SLC25A48: variants seen among roughly 807,000 people sequenced by gnomAD.
SLC25A48 encodes the protein CTC-321K16.1.
SLC25A48 carries 29 observed loss-of-function variants against 32.2 expected under a neutral mutation model. That is an observed-to-expected ratio of 0.90 (90% CI 0.67 to 1.23). The LOEUF (loss-of-function observed/expected upper bound fraction) is 1.23. Ranked by LOEUF, SLC25A48 falls within the 50% of genes most tolerant of loss-of-function variation. The pLI, the probability that SLC25A48 is intolerant of heterozygous loss-of-function variation, is 0.00. For missense variants in SLC25A48, 399 were observed against 422.7 expected (o/e 0.94, Z 0.49); for synonymous variants, 164 against 172.3 (o/e 0.95, Z 0.38).
intron 3 of SLC25A48, among the ~76,000 whole-genome samples, chr5:135,758,781 T>C (rs543725637): frequency 2.0e-5 from 3 of 150,830 alleles, no homozygotes; most frequent in South Asian, 4.2e-4. Flanking sequence ...TTGACGTTAA[T>C]ATATCATCTG....
At chr5:135,743,218 G>A (rs1243297131) in intron 3 of SLC25A48, among the ~76,000 whole-genome samples, 1 of 148,394 alleles carries the variant, frequency 6.7e-6, no homozygotes, top group African/African-American at 2.5e-5. Context: ...ATTACAGGTG[G>A]CTGCCATCAA....
intron 4 of SLC25A48, among the ~76,000 whole-genome samples, chr5:135,866,473 T>C (rs1356382671): frequency 1.3e-5 from 2 of 152,164 alleles, no homozygotes; most frequent in South Asian, 2.1e-4. Context: ...AAAGGGGCAA[T>C]AGTGGTAGAG....
chr5:135,801,153 G>A (rs1580895295), intron 3 of SLC25A48, among the ~76,000 whole-genome samples: 1 of 151,282 alleles, frequency 6.6e-6, no homozygotes, highest in Middle Eastern at 3.5e-3. Context: ...CAATATCACA[G>A]AAGGTGTATA....
intron 3 of SLC25A48, among the ~76,000 whole-genome samples, chr5:135,659,154 C>G (rs1007213836): frequency 2.6e-5 from 4 of 152,130 alleles, no homozygotes; most frequent in Non-Finnish European, 5.9e-5. Context: ...AATATAAATT[C>G]TAGTTTTAGG....
At chr5:135,800,687 C>A (rs1354241932) in intron 3 of SLC25A48, among the ~76,000 whole-genome samples, 3 of 151,902 alleles carry the variant, frequency 2.0e-5, no homozygotes, top group African/African-American at 4.8e-5. Context: ...GAGTGTACAC[C>A]CCCCTGGGAT....
intron 4 of SLC25A48, among the ~76,000 whole-genome samples, chr5:135,828,541 G>A (rs191486773): frequency 7.9e-5 from 12 of 152,258 alleles, no homozygotes; most frequent in African/African-American, 2.9e-4. Context: ...CTTCTGAGGA[G>A]CTGGACAGGC....
In SLC25A48 at chr5:135,880,048, G is replaced by A. The variant is rs1414814179; in HGVS notation, c.894G>A (p.Ser298=). The change falls in exon 7 of 8, where the codon TCG becomes TCA. Residue 298 remains serine (S), a synonymous_variant. Coordinates refer to ENST00000681962, the MANE Select transcript of SLC25A48 (RefSeq NM_001349336.2). ...CCATGTTCCTTGGGTACGAGCTGTC[G>A]CTGCAGGCTATCCGCGGGGACCACG... ...SAAMFLGYEL[S]LQAIRGDHAV... The A allele has an allele frequency of 1.0e-5, 16 of 1,536,082 alleles. No homozygotes were observed. The highest frequency in any genetic ancestry group is 1.4e-5 in the African/African-American group (1 of 73,038).
intron 3 of SLC25A48, among the ~76,000 whole-genome samples, chr5:135,737,369 G>A (rs1277680777): frequency 6.6e-6 from 1 of 152,130 alleles, no homozygotes; most frequent in Non-Finnish European, 1.5e-5. Context: ...CATCAGTTAA[G>A]GCAGGAACAG....
intron 2 of SLC25A48, among the ~76,000 whole-genome samples, chr5:135,849,275 C>G (rs1267588332): frequency 2.0e-5 from 3 of 152,230 alleles, no homozygotes; most frequent in Non-Finnish European, 4.4e-5. Context: ...TCACTGCACA[C>G]TGGGTTCCAT....
rs138619129 is a variant in SLC25A48, at chr5:135,837,343, G to A, written c.46+2450G>A. Among the ~76,000 whole-genome samples the A allele has an allele frequency of 1.3e-3, 204 of 152,278 alleles. 1 individual carries two copies. Among genetic ancestry groups the A allele is most frequent in the Non-Finnish European group, 2.6e-3 (175 of 68,026 alleles). ...GGAATCATTGTTCTGGGATTAGCTG[G>A]TTTCTTTGTCCCTATAAATATCTAA... On this transcript the variant is annotated intron_variant, in intron 1 of 7. Coordinates refer to ENST00000681962, the MANE Select transcript of SLC25A48 (RefSeq NM_001349336.2).
chr5:135,842,339 G>A (rs1269871317), intron 1 of SLC25A48, 77 bp from the exon 2 acceptor site: 3 of 1,513,730 alleles, frequency 2.0e-6, no homozygotes, highest in East Asian at 4.5e-5. Flanking sequence ...ACAAGTGCCT[G>A]TTTTGTCCCA....
chr5:135,842,545 C>T, intron 2 of SLC25A48, 86 bp downstream of exon 2: 1 of 1,340,738 alleles, frequency 7.5e-7, no homozygotes, highest in Non-Finnish European at 1.1e-6. Context: ...TTTCTAATCT[C>T]TCAGAGAGTC....
intron 3 of SLC25A48, among the ~76,000 whole-genome samples, chr5:135,636,954 G>T (rs1369865234): frequency 1.3e-5 from 2 of 151,464 alleles, no homozygotes; most frequent in African/African-American, 4.8e-5. Context: ...GAGGGATAGA[G>T]AGGAAGAGTG....
chr5:135,657,249 T>G (rs1296274316), intron 3 of SLC25A48, among the ~76,000 whole-genome samples: 1 of 152,220 alleles, frequency 6.6e-6, no homozygotes, highest in Admixed American at 6.5e-5. Context: ...AGATAGAGTT[T>G]AGAGCCAACA....
chr5:135,762,252 AC>A (rs1756078871), intron 3 of SLC25A48, among the ~76,000 whole-genome samples: 1 of 152,188 alleles, frequency 6.6e-6, no homozygotes, highest in Non-Finnish European at 1.5e-5. Flanking sequence ...ATGTGGAATA[AC>A]CATGCAGATG....
intron 3 of SLC25A48, among the ~76,000 whole-genome samples, chr5:135,691,080 T>C (rs1375357445): frequency 6.6e-6 from 1 of 152,210 alleles, no homozygotes; most frequent in Non-Finnish European, 1.5e-5. Context: ...GCATAAGCTG[T>C]ATCAAGTATC....
intron 3 of SLC25A48, among the ~76,000 whole-genome samples, chr5:135,747,882 T>C (rs1020050788): frequency 6.6e-6 from 1 of 152,220 alleles, no homozygotes; most frequent in Non-Finnish European, 1.5e-5. Context: ...AAACTGAGGC[T>C]TAAAGTAGTT....
At chr5:135,800,762 T>C (rs1194427717) in intron 3 of SLC25A48, among the ~76,000 whole-genome samples, 1 of 151,188 alleles carries the variant, frequency 6.6e-6, no homozygotes, top group East Asian at 2.0e-4. Context: ...GTGTGTACAC[T>C]CTGCTGTGAA....
rs184926550 is a variant in SLC25A48 at position 135,741,148 on chromosome 5, G to A, written c.-520-71375G>A. On this transcript the variant is annotated intron_variant, in intron 3 of 10. Coordinates refer to the SLC25A48 transcript ENST00000646290. ...GAGAAAACGGAGGCAGAGTAAGCCT[G>A]GTAACTTGCCCAAGGTCACAGCAGT... 6.9e-3 allele frequency among the ~76,000 whole-genome samples: 1,051 copies of A among 152,300 alleles called. 16 individuals are homozygous for A. The highest frequency in any genetic ancestry group is 0.024 in the African/African-American group (996 of 41,550).
Sources: allele counts gnomAD v4.1 joint callset (sites outside exome capture counted in the v4.1 genomes callset), GRCh38; gene constraint gnomAD v4.1.1; transcripts MANE v1.5; gene names NCBI Gene and HGNC (gene_info 2026-07-23, HGNC 2026-07-21).